The following SCHIP1 variants were observed in gnomAD, a reference collection of about 807,000 sequenced individuals.
SCHIP1 encodes schwannomin interacting protein 1.
Under a neutral mutation model 29.7 loss-of-function variants are expected in SCHIP1, and 8 were observed. The observed-to-expected ratio is 0.27, with a 90% confidence interval of 0.16 to 0.49. The LOEUF is 0.49. Among genes scored for constraint, SCHIP1 ranks in the 20% least tolerant of loss-of-function variants. The pLI, the probability that SCHIP1 is intolerant of heterozygous loss-of-function variation, is 0.99. For missense variants in SCHIP1, 193 were observed against 294.6 expected, an observed-to-expected ratio of 0.66 and a Z score of 2.52; for synonymous variants, 76 against 94.9, an observed-to-expected ratio of 0.80 and a Z score of 1.16.
the SCHIP1 span, among the ~76,000 whole-genome samples, chr3:159,549,329 C>T: frequency 6.6e-5 from 10 of 152,142 alleles, no homozygotes; most frequent in African/African-American, 2.4e-4. Flanking sequence ...AGAATTATAG[C>T]TACCCCATTG....
the SCHIP1 span, among the ~76,000 whole-genome samples, chr3:159,405,880 C>CAAA: frequency 4.0e-4 from 30 of 75,264 alleles, no homozygotes; most frequent in East Asian, 1.6e-3. Context: ...GAGACTCTGT[C>CAAA]AAAAAAAAAA....
At chr3:159,666,709 A>G in the SCHIP1 span, among the ~76,000 whole-genome samples, 1 of 152,242 alleles carries the variant, frequency 6.6e-6, no homozygotes, top group Non-Finnish European at 1.5e-5. Context: ...GGTAATAGAT[A>G]AAAACATATG....
the SCHIP1 span, among the ~76,000 whole-genome samples, chr3:159,393,845 A>G: frequency 2.0e-5 from 3 of 152,140 alleles, no homozygotes; most frequent in Non-Finnish European, 2.9e-5. Flanking sequence ...TGCCAATTCC[A>G]TGAAGAAAGT....
At chr3:159,419,933 TCTCA>T in the SCHIP1 span, among the ~76,000 whole-genome samples, 1 of 152,224 alleles carries the variant, frequency 6.6e-6, no homozygotes, top group Non-Finnish European at 1.5e-5. Context: ...ACTTTCTGTG[TCTCA>T]CTCCAAAGAC....
chr3:159,310,120 C>T, the SCHIP1 span, among the ~76,000 whole-genome samples: 5 of 152,104 alleles, frequency 3.3e-5, no homozygotes, highest in Non-Finnish European at 5.9e-5. Flanking sequence ...CATGCGTCCT[C>T]TTATTAGTGG....
At chr3:159,773,497 T>C in the SCHIP1 span, among the ~76,000 whole-genome samples, 1 of 151,802 alleles carries the variant, frequency 6.6e-6, no homozygotes. Context: ...ACTTCAGTGC[T>C]TCAACAGATG....
the SCHIP1 span, among the ~76,000 whole-genome samples, chr3:159,380,296 A>G: frequency 6.6e-6 from 1 of 152,148 alleles, no homozygotes; most frequent in African/African-American, 2.4e-5. Context: ...CTCTTGCAGT[A>G]TCACCACCAC....
At chr3:159,578,344 C>G in the SCHIP1 span, among the ~76,000 whole-genome samples, 2 of 152,068 alleles carry the variant, frequency 1.3e-5, no homozygotes, top group Non-Finnish European at 1.5e-5. Flanking sequence ...ATAAAATAAG[C>G]CATCTTTTAA....
chr3:159,887,980 A>G, intron 4 of SCHIP1, 75 bp downstream of exon 5: 1 of 1,557,378 alleles, frequency 6.4e-7, no homozygotes, highest in Non-Finnish European at 8.7e-7. Context: ...GTCCTTTCCC[A>G]GAATTATGCA....
At chr3:159,344,149 A>G in the SCHIP1 span, among the ~76,000 whole-genome samples, 1 of 152,062 alleles carries the variant, frequency 6.6e-6, no homozygotes, top group East Asian at 1.9e-4. Context: ...CCTGACCAAC[A>G]TGTCTCTACT....
the SCHIP1 span, among the ~76,000 whole-genome samples, chr3:159,426,504 T>A: frequency 6.6e-6 from 1 of 152,224 alleles, no homozygotes; most frequent in African/African-American, 2.4e-5. Context: ...AATCTCTGAA[T>A]AGACCAATAA....
the SCHIP1 span, among the ~76,000 whole-genome samples, chr3:159,276,222 C>T: frequency 6.6e-6 from 1 of 152,288 alleles, no homozygotes; most frequent in East Asian, 1.9e-4. Flanking sequence ...GAAGCAACTC[C>T]CCTAGCTACA....
At chr3:159,275,050 T>C in the SCHIP1 span, 1 of 974,066 alleles carries the variant, frequency 1.0e-6, no homozygotes. Flanking sequence ...AAATGGTACT[T>C]ACATTTTGAC....
intron 1 of SCHIP1, among the ~76,000 whole-genome samples, chr3:159,843,235 A>G (rs1168209132): frequency 6.6e-6 from 1 of 151,210 alleles, no homozygotes; most frequent in East Asian, 2.0e-4. Context: ...CTGGTCTCGA[A>G]CACCTGACCT....
intron 3 of SCHIP1, chr3:159,886,998 A>G (rs1449669323): frequency 1.3e-5 from 2 of 152,772 alleles, no homozygotes; most frequent in East Asian, 1.9e-4. Context: ...CCATAATTCA[A>G]TTACCTCCCA....
chr3:159,495,492 G>A, the SCHIP1 span, among the ~76,000 whole-genome samples: 127 of 152,254 alleles, frequency 8.3e-4, no homozygotes, highest in African/African-American at 2.9e-3. Context: ...AATCATGAGT[G>A]AACTCCCATT....
chr3:159,689,252 T>C, the SCHIP1 span, among the ~76,000 whole-genome samples: 1 of 152,248 alleles, frequency 6.6e-6, no homozygotes, highest in Admixed American at 6.5e-5. Context: ...CTTCCATTTG[T>C]TTGTGTCCTC....
At chr3:159,738,976 A>G in the SCHIP1 span, among the ~76,000 whole-genome samples, 8 of 152,324 alleles carry the variant, frequency 5.3e-5, no homozygotes, top group African/African-American at 1.9e-4. Context: ...TAGGAGCCAG[A>G]TTGAGTAGGC....
At chr3:159,437,646 T>A in the SCHIP1 span, among the ~76,000 whole-genome samples, 1 of 151,642 alleles carries the variant, frequency 6.6e-6, no homozygotes, top group East Asian at 1.9e-4. Flanking sequence ...AAAAAAAAAA[T>A]CTACATCTTG....
Sources: allele counts gnomAD v4.1 joint callset (sites outside exome capture counted in the v4.1 genomes callset), GRCh38; gene constraint gnomAD v4.1.1; transcripts MANE v1.5; gene names NCBI Gene and HGNC (gene_info 2026-07-23, HGNC 2026-07-21).